Variants in BRAF observed in about 807,000 individuals in gnomAD.
BRAF encodes the protein serine/threonine-protein kinase B-raf.
In BRAF, 16 loss-of-function variants were observed where a neutral mutation model predicts 104.6. The observed-to-expected ratio is 0.15, with a 90% CI of 0.10 to 0.23. BRAF has a LOEUF of 0.23. Among genes scored for constraint, BRAF ranks in the 10% least tolerant of loss-of-function variants. The pLI, the probability that BRAF is intolerant of heterozygous loss-of-function variation, is 1.00. For synonymous variants in BRAF, 310 were observed against 341.6 expected (o/e 0.91, Z 1.02); for missense variants, 541 against 937.3 (o/e 0.58, Z 5.52).
intron 7 of BRAF, chr7:140,800,023 G>A (rs1802921632): frequency 2.2e-5 from 9 of 403,708 alleles, no homozygotes; most frequent in South Asian, 2.1e-4. Flanking sequence ...GTTATTTGGG[G>A]AAAAGATCCT....
At chr7:140,922,950 C>G (rs755225022) in intron 1 of BRAF, among the ~76,000 whole-genome samples, 13 of 151,962 alleles carry the variant, frequency 8.6e-5, no homozygotes, top group Non-Finnish European at 1.5e-4. Flanking sequence ...CCTTAGAAAT[C>G]AAGAAGCTGG....
At chr7:140,832,787 T>C (rs541295918) in intron 3 of BRAF, among the ~76,000 whole-genome samples, 9 of 152,104 alleles carry the variant, frequency 5.9e-5, no homozygotes, top group South Asian at 2.1e-4. Flanking sequence ...GTTGTTTTTA[T>C]TTCTTTTTAA....
At chr7:140,824,461 T>C (rs1184088902) in intron 3 of BRAF, 1 of 152,158 alleles carries the variant, frequency 6.6e-6, no homozygotes, top group Admixed American at 6.5e-5. Context: ...ACCATAAATG[T>C]GAAGATTTAG....
chr7:140,722,966 G>A lies in BRAF; in HGVS notation c.*3528C>T. 1 of 1,054,272 alleles carries A rather than the reference G, an allele frequency of 9.5e-7. No individual in the cohort carries two copies. Among genetic ancestry groups the A allele is most frequent in the Non-Finnish European group, 1.1e-6 (1 of 872,506 alleles). 65.3% of individuals were successfully genotyped at this position (1,054,272 alleles called of 1,614,324 possible). A position where few individuals can be genotyped will look rare whatever the true frequency, so the allele number is the denominator to read the frequency against. On this transcript the variant is annotated 3_prime_UTR_variant, in exon 20 of 20. Transcript: ENST00000644969. Reference sequence around the variant, plus strand: ...ATGCCCTTTAGGACAAAATGAGAGTGCTCAAATACAAGTACACAAAAAAGT... The same window carrying A: ...ATGCCCTTTAGGACAAAATGAGAGTACTCAAATACAAGTACACAAAAAAGT...
intron 1 of BRAF, among the ~76,000 whole-genome samples, chr7:140,855,568 C>G (rs1809684962): frequency 1.3e-5 from 2 of 151,554 alleles, no homozygotes; most frequent in South Asian, 4.2e-4. Flanking sequence ...AAAAAAACTA[C>G]AGCCATTGGC....
intron 17 of BRAF, among the ~76,000 whole-genome samples, chr7:140,743,081 T>C (rs1797062436): frequency 6.6e-6 from 1 of 152,130 alleles, no homozygotes; most frequent in African/African-American, 2.4e-5. Flanking sequence ...CAACAGGTGC[T>C]GGAGAGGATG....
At chr7:140,861,180 G>GA (rs753390659) in intron 1 of BRAF, among the ~76,000 whole-genome samples, 2 of 152,184 alleles carry the variant, frequency 1.3e-5, no homozygotes, top group Non-Finnish European at 2.9e-5. Flanking sequence ...TACCTTGGTA[G>GA]AAAATAAAGG....
chr7:140,919,673 A>G (rs866970536), intron 1 of BRAF, among the ~76,000 whole-genome samples: 2 of 152,204 alleles, frequency 1.3e-5, no homozygotes, highest in African/African-American at 4.8e-5. Flanking sequence ...TAAGAAAGAA[A>G]TGGAACAAAT....
At chr7:140,879,325 G>A (rs1393092162) in intron 1 of BRAF, among the ~76,000 whole-genome samples, 1 of 151,444 alleles carries the variant, frequency 6.6e-6, no homozygotes, top group Non-Finnish European at 1.5e-5. Flanking sequence ...GAGACTACAG[G>A]CGTGCACCAC....
At chr7:140,888,618 C>T (rs1342432395) in intron 1 of BRAF, among the ~76,000 whole-genome samples, 1 of 152,080 alleles carries the variant, frequency 6.6e-6, no homozygotes. Context: ...GGCAGATCAC[C>T]TGAGGTTGGG....
chr7:140,877,603 A>G (rs1425713483), intron 1 of BRAF, among the ~76,000 whole-genome samples: 1 of 152,160 alleles, frequency 6.6e-6, no homozygotes, highest in East Asian at 1.9e-4. Flanking sequence ...CAATTTACAA[A>G]TCTCTAGCAA....
intron 14 of BRAF, among the ~76,000 whole-genome samples, chr7:140,761,053 T>C (rs1204995088): frequency 6.6e-6 from 1 of 151,904 alleles, no homozygotes; most frequent in East Asian, 1.9e-4. Flanking sequence ...ACAAAGATAC[T>C]CCTTGAGAAG....
Position 140,722,053 on chromosome 7 carries a change from C to T in BRAF, c.*4441G>A, listed in dbSNP as rs962828963. 3 of 1,105,352 alleles carry T rather than the reference C, an allele frequency of 2.7e-6. No homozygotes were observed. The highest frequency in any genetic ancestry group is 3.3e-6 in the Non-Finnish European group (3 of 906,810). 68.5% of individuals were successfully genotyped at this position (1,105,352 alleles called of 1,614,324 possible). ...CTGCCCATCATACAGTACTTCAACC[C>T]TAAACTACAGCAATTTCTGTCAACA... On this transcript the variant is annotated 3_prime_UTR_variant, in exon 20 of 20. Transcript: ENST00000644969.
At position 140,725,742 on chromosome 7, in the gene BRAF, A is replaced by G. The variant is rs1031663860; in HGVS notation, c.*752T>C. 2 of 1,060,668 alleles carry G rather than the reference A, an allele frequency of 1.9e-6. No homozygotes were observed. Among genetic ancestry groups the G allele is most frequent in the African/African-American group, 1.6e-5 (1 of 60,754 alleles). The allele number at this position is 1,060,668 out of a possible 1,614,324, so 65.7% of individuals were successfully genotyped here. A position where few individuals can be genotyped will look rare whatever the true frequency, so the allele number is the denominator to read the frequency against. The stretch of plus-strand genomic sequence containing the variant: ...ACACTTATCTTCATTGCTGGACCCA[A>G]TGAGAAAGAAGGCAATGTGTGCCAG... On this transcript the variant is annotated 3_prime_UTR_variant, in exon 20 of 20. Transcript: ENST00000644969.
intron 14 of BRAF, among the ~76,000 whole-genome samples, chr7:140,765,042 C>A (rs1799168147): frequency 1.3e-5 from 2 of 152,184 alleles, no homozygotes; most frequent in Non-Finnish European, 2.9e-5. Context: ...TACCTGACTG[C>A]AAACTATACT....
chr7:140,731,976 C>G (rs556327901), intron 19 of BRAF: 1 of 150,644 alleles, frequency 6.6e-6, no homozygotes, highest in East Asian at 2.0e-4. Context: ...TCGAGACCAT[C>G]CCGGCTAAAA....
At chr7:140,910,258 C>T (rs988004804) in intron 1 of BRAF, among the ~76,000 whole-genome samples, 4 of 152,136 alleles carry the variant, frequency 2.6e-5, no homozygotes, top group Non-Finnish European at 4.4e-5. Flanking sequence ...TTTCCAACTC[C>T]AATTCTTTGC....
At chr7:140,885,659 T>C (rs1192787750) in intron 1 of BRAF, among the ~76,000 whole-genome samples, 2 of 152,192 alleles carry the variant, frequency 1.3e-5, no homozygotes, top group Non-Finnish European at 2.9e-5. Flanking sequence ...TGTGGATATA[T>C]CCATAATGTC....
intron 3 of BRAF, among the ~76,000 whole-genome samples, chr7:140,824,973 C>CT (rs201596326): frequency 0.03 from 4,165 of 139,826 alleles, 189 homozygotes; most frequent in African/African-American, 0.096. Flanking sequence ...GTTGTTTTTT[C>CT]TTTTTTTTTT....
Sources: gnomAD v4.1 joint callset for allele counts (sites outside exome capture counted in the v4.1 genomes callset) on GRCh38, gnomAD v4.1.1 for gene constraint, MANE v1.5 for transcripts, NCBI Gene and HGNC (gene_info 2026-07-23, HGNC 2026-07-21) for gene names.